The following OR2C1 variants were observed in gnomAD, a reference collection of about 807,000 sequenced individuals.
OR2C1 encodes the protein olfactory receptor family 2 subfamily C member 1, also known as olfactory receptor 2C1.
For missense variants in OR2C1, 468 were observed against 388.3 expected (o/e 1.21, Z -1.73); for synonymous variants, 209 against 167.3 (o/e 1.25, Z -1.92).
chr16:3,331,881 G>A, the OR2C1 span, among the ~76,000 whole-genome samples: 1 of 151,292 alleles, frequency 6.6e-6, no homozygotes, highest in Non-Finnish European at 1.5e-5. Context: ...ATACACCATG[G>A]AATACTATGC....
chr16:3,345,596 C>T, the OR2C1 span, among the ~76,000 whole-genome samples: 1 of 152,062 alleles, frequency 6.6e-6, no homozygotes, highest in African/African-American at 2.4e-5. Context: ...TTTGGATGCA[C>T]ATATATGTAT....
the OR2C1 span, among the ~76,000 whole-genome samples, chr16:3,346,943 T>A: frequency 1.7e-4 from 26 of 149,726 alleles, no homozygotes; most frequent in African/African-American, 6.4e-4. Context: ...CCTTTATAAT[T>A]TAAAAAATGT....
At chr16:3,322,948 C>T in the OR2C1 span, 6 of 985,026 alleles carry the variant, frequency 6.1e-6, no homozygotes, top group African/African-American at 1.7e-5. Context: ...ACTACTTCCG[C>T]CGACAAGGAG....
Position 3,356,589 on chromosome 16 carries a change from T to C in OR2C1, c.649T>C (p.Ser217Pro). The C allele has an allele frequency of 6.2e-7, 1 of 1,614,164 alleles. No homozygotes were observed. Among genetic ancestry groups the C allele is most frequent in the Non-Finnish European group, 8.5e-7 (1 of 1,180,028 alleles). Residue 217 changes from serine (S) to proline (P), a missense_variant, in exon 1 of 1, where the codon TCC becomes CCC. By Grantham distance (74) the Ser-to-Pro change is moderately conservative. Coordinates refer to ENST00000304936, the MANE Select transcript of OR2C1 (RefSeq NM_012368.3). ...TAVPLSIIVI[S>P]YCLIAQAVLK... ...AGTCCCACTAAGCATCATCGTGATC[T>C]CCTACTGCCTCATTGCTCAGGCAGT...
the OR2C1 span, among the ~76,000 whole-genome samples, chr16:3,332,512 C>T: frequency 9.2e-5 from 14 of 151,966 alleles, 1 homozygote; most frequent in African/African-American, 3.4e-4. Flanking sequence ...TTTATCCTCC[C>T]CCCCACTACC....
chr16:3,325,081 A>G, the OR2C1 span, among the ~76,000 whole-genome samples: 3 of 152,130 alleles, frequency 2.0e-5, no homozygotes, highest in African/African-American at 7.2e-5. Flanking sequence ...TCCCAGGTTC[A>G]AGTGGTTCTT....
the OR2C1 span, among the ~76,000 whole-genome samples, chr16:3,326,576 C>G: frequency 1.3e-5 from 2 of 152,120 alleles, no homozygotes; most frequent in Admixed American, 1.3e-4. Flanking sequence ...CCTTTTTCCT[C>G]TCTGTCAATC....
chr16:3,323,715 A>G, the OR2C1 span: 2 of 688,696 alleles, frequency 2.9e-6, no homozygotes, highest in Admixed American at 4.3e-5. Flanking sequence ...ATTTCTAGTC[A>G]TCTGAGACAC....
the OR2C1 span, among the ~76,000 whole-genome samples, chr16:3,341,305 C>A: frequency 6.6e-6 from 1 of 151,982 alleles, no homozygotes; most frequent in African/African-American, 2.4e-5. Context: ...TTATATCCTG[C>A]AACTTTGCTG....
chr16:3,353,119 G>C (rs1396762469), upstream of OR2C1, among the ~76,000 whole-genome samples: 6 of 152,032 alleles, frequency 3.9e-5, no homozygotes, highest in African/African-American at 7.2e-5. Context: ...ATGGGTTTCA[G>C]GAAGAACTTC....
chr16:3,332,491 A>G, the OR2C1 span, among the ~76,000 whole-genome samples: 2 of 151,960 alleles, frequency 1.3e-5, no homozygotes, highest in Non-Finnish European at 2.9e-5. Context: ...GTACCAATTA[A>G]TCAACCTCTT....
chr16:3,323,351 A>G, the OR2C1 span: 259,699 of 1,072,398 alleles, frequency 0.24, 36,614 homozygotes, highest in Admixed American at 0.36. Context: ...CTGGGAGGCA[A>G]TTTCATGAAT....
chr16:3,336,678 T>TTC, the OR2C1 span, among the ~76,000 whole-genome samples: 8 of 143,014 alleles, frequency 5.6e-5, no homozygotes, highest in South Asian at 2.2e-4. Context: ...CTTTTTCTTT[T>TTC]TTTTTTTTTC....
the OR2C1 span, among the ~76,000 whole-genome samples, chr16:3,349,449 CG>C: frequency 6.6e-6 from 1 of 152,254 alleles, no homozygotes; most frequent in South Asian, 2.1e-4. Flanking sequence ...AGAAGAGCCC[CG>C]AGGTTAAAAG....
At chr16:3,349,140 T>C in the OR2C1 span, among the ~76,000 whole-genome samples, 3 of 152,074 alleles carry the variant, frequency 2.0e-5, no homozygotes, top group African/African-American at 4.8e-5. Context: ...TTGTATAGTG[T>C]TTTAGGAACT....
In OR2C1 at chr16:3,356,028, G is replaced by A; in HGVS notation, c.88G>A (p.Ala30Thr). Residue 30 changes from alanine (A) to threonine (T), a missense_variant, in exon 1 of 1, where the codon GCC becomes ACC. Coordinates refer to ENST00000304936, the MANE Select transcript of OR2C1 (RefSeq NM_012368.3). ...CCAGCTGGAGATGATCTTTTTTATA[G>A]CCATCCTCTTCTCCTATTTGCTGAC... ...HPQLEMIFFI[A>T]ILFSYLLTLL... 1 of 1,613,996 alleles carries A rather than the reference G, an allele frequency of 6.2e-7. No individual in the cohort carries two copies. Among genetic ancestry groups the A allele is most frequent in the Non-Finnish European group, 8.5e-7 (1 of 1,179,940 alleles).
the OR2C1 span, among the ~76,000 whole-genome samples, chr16:3,340,332 G>C: frequency 6.6e-6 from 1 of 151,692 alleles, no homozygotes; most frequent in East Asian, 1.9e-4. Flanking sequence ...TTTTTGTTTT[G>C]AGTTGTAGTC....
chr16:3,327,075 A>G, the OR2C1 span, among the ~76,000 whole-genome samples: 1 of 152,182 alleles, frequency 6.6e-6, no homozygotes, highest in African/African-American at 2.4e-5. Flanking sequence ...AAAATAATAT[A>G]TATAGGAAAT....
chr16:3,327,824 A>G, the OR2C1 span, among the ~76,000 whole-genome samples: 3 of 152,000 alleles, frequency 2.0e-5, no homozygotes, highest in African/African-American at 7.3e-5. Flanking sequence ...AGAGTTTCTC[A>G]TTTACTCACT....
Sources: allele counts gnomAD v4.1 joint callset (sites outside exome capture counted in the v4.1 genomes callset), GRCh38; gene constraint gnomAD v4.1.1; transcripts MANE v1.5; gene names NCBI Gene and HGNC (gene_info 2026-07-23, HGNC 2026-07-21).